Variants in SP100 observed in about 807,000 individuals in gnomAD.
SP100 encodes the protein nuclear autoantigen Sp-100.
Under a neutral mutation model 130.0 loss-of-function variants are expected in SP100, and 84 were observed. That is an observed-to-expected ratio of 0.65 (90% CI 0.54 to 0.77). The LOEUF is 0.77. Ranked by LOEUF, SP100 falls within the 30% of genes least tolerant of loss-of-function variation. The probability of loss-of-function intolerance (pLI) is 0.00; values close to 1 mark genes in which losing one functional copy is unlikely to be tolerated. For synonymous variants in SP100, 331 were observed against 351.7 expected (o/e 0.94, Z 0.66); for missense variants, 978 against 1,052.2 (o/e 0.93, Z 0.97).
chr2:230,511,296 A>C, intron 24 of SP100, 130 bp downstream of exon 24: 2 of 734,602 alleles, frequency 2.7e-6, no homozygotes, highest in Non-Finnish European at 4.9e-6. Context: ...TGATTAGAAG[A>C]TGCAAGCCAG....
chr2:230,428,908 T>C (rs908619182), intron 2 of SP100, among the ~76,000 whole-genome samples: 1 of 152,230 alleles, frequency 6.6e-6, no homozygotes, highest in Non-Finnish European at 1.5e-5. Context: ...GAGCCAACTA[T>C]ATTAATTGCT....
At chr2:230,452,334 C>G (rs1044031115) in intron 8 of SP100, among the ~76,000 whole-genome samples, 1 of 152,056 alleles carries the variant, frequency 6.6e-6, no homozygotes, top group Non-Finnish European at 1.5e-5. Flanking sequence ...TACTCCACCA[C>G]GCCCAGCTAA....
At chr2:230,523,766 A>T (rs7562968) in intron 24 of SP100, among the ~76,000 whole-genome samples, 44 of 151,960 alleles carry the variant, frequency 2.9e-4, no homozygotes, top group African/African-American at 9.7e-4. Context: ...AAAATTAGCT[A>T]GGCATGGTGG....
intron 9 of SP100, among the ~76,000 whole-genome samples, chr2:230,462,040 A>T (rs1053415000): frequency 3.3e-5 from 5 of 152,040 alleles, no homozygotes; most frequent in African/African-American, 1.2e-4. Flanking sequence ...GAGAGCCAAG[A>T]TATTCACAAG....
At chr2:230,491,447 A>T (rs13020940) in intron 17 of SP100, among the ~76,000 whole-genome samples, 11 of 152,084 alleles carry the variant, frequency 7.2e-5, no homozygotes, top group Admixed American at 2.0e-4. Context: ...CTCTGGCTGT[A>T]GTAGGCCACA....
chr2:230,463,602 T>A (rs1364384897), intron 10 of SP100: 1 of 152,948 alleles, frequency 6.5e-6, no homozygotes, highest in African/African-American at 2.4e-5. Context: ...AACTTTGAAC[T>A]TAGTGTAAGC....
chr2:230,499,668 A>G (rs912249109), intron 19 of SP100, among the ~76,000 whole-genome samples: 1 of 150,732 alleles, frequency 6.6e-6, no homozygotes, highest in Non-Finnish European at 1.5e-5. Context: ...CAAGGTCTGC[A>G]CCAGACCATG....
intron 17 of SP100, among the ~76,000 whole-genome samples, chr2:230,482,697 C>CAT (rs71052513): frequency 0.22 from 33,670 of 149,846 alleles, 3,763 homozygotes; most frequent in African/African-American, 0.26. Context: ...CTGCCATTTA[C>CAT]ATATATATAT....
intron 8 of SP100, among the ~76,000 whole-genome samples, chr2:230,459,694 C>T (rs1196333032): frequency 1.3e-5 from 2 of 152,212 alleles, no homozygotes; most frequent in African/African-American, 2.4e-5. Flanking sequence ...ATATCTCTAA[C>T]TTGTCCATTT....
At position 230,467,140 on chromosome 2, in the gene SP100, T is replaced by G; in HGVS notation, c.1216T>G (p.Phe406Val). 1.2e-6 allele frequency: 2 copies of G among 1,613,844 alleles called. No individual in the cohort carries two copies. The highest frequency in any genetic ancestry group is 8.5e-7 in the Non-Finnish European group (1 of 1,179,774). The change falls in exon 13 of 29, where the codon TTT (phenylalanine) becomes GTT (valine). Residue 406 changes from phenylalanine (F) to valine (V), a missense_variant. By Grantham distance (50) the Phe-to-Val change is conservative (BLOSUM62 -1). Transcript: ENST00000340126. ...TGCAGTGATAGGACAAGACCACGAC[T>G]TTTCAGAATCCAGTGAGGAGGAGGC... ...KKRVIGQDHD[F>V]SESSEEEAPA...
At chr2:230,453,702 G>A (rs1244382595) in intron 8 of SP100, among the ~76,000 whole-genome samples, 2 of 152,092 alleles carry the variant, frequency 1.3e-5, no homozygotes, top group East Asian at 3.8e-4. Context: ...GAATTTGATA[G>A]TATTTTATTG....
intron 2 of SP100, among the ~76,000 whole-genome samples, chr2:230,438,169 C>T (rs1040875251): frequency 3.9e-5 from 6 of 151,954 alleles, no homozygotes; most frequent in Non-Finnish European, 5.9e-5. Flanking sequence ...CAGTCAATAT[C>T]GATATCATCA....
chr2:230,505,988 G>A (rs1214556227), intron 21 of SP100, among the ~76,000 whole-genome samples: 1 of 152,158 alleles, frequency 6.6e-6, no homozygotes, highest in Non-Finnish European at 1.5e-5. Context: ...GAAGAATTCT[G>A]CTCATTCTTT....
At chr2:230,536,125 A>T (rs747654435) in intron 24 of SP100, among the ~76,000 whole-genome samples, 16 of 152,136 alleles carry the variant, frequency 1.1e-4, no homozygotes, top group Non-Finnish European at 1.9e-4. Flanking sequence ...TTTGGCAGGT[A>T]GGTTGGTCCT....
chr2:230,460,554 T>C (rs534950067), intron 8 of SP100, among the ~76,000 whole-genome samples: 12 of 151,482 alleles, frequency 7.9e-5, no homozygotes, highest in Admixed American at 4.0e-4. Context: ...TAATGGGAAG[T>C]GTCACCAGGA....
chr2:230,443,222 A>G lies in SP100; in HGVS notation c.270+123A>G, dbSNP rs548424039. 8.3e-5 allele frequency: 72 copies of G among 869,480 alleles called. 1 individual carries two copies. The South Asian group carries it at 1.2e-3, about 14-fold the overall frequency. 53.9% of individuals were successfully genotyped at this position (869,480 alleles called of 1,614,324 possible). On this transcript the variant is annotated intron_variant, in intron 3 of 28. Coordinates refer to ENST00000340126, the MANE Select transcript of SP100 (RefSeq NM_001080391.2). ...CTGACAGGTCTCCTATGAGTGGGGA[A>G]CTTTTTCAAGTGTTTCTGTAAGTGC...
At chr2:230,535,274 A>G (rs1343232671) in intron 24 of SP100, among the ~76,000 whole-genome samples, 1 of 152,184 alleles carries the variant, frequency 6.6e-6, no homozygotes, top group Non-Finnish European at 1.5e-5. Context: ...GGACTTTTGA[A>G]TGTAGGTTTC....
At chr2:230,425,935 T>C (rs888045425) in intron 2 of SP100, among the ~76,000 whole-genome samples, 1 of 152,164 alleles carries the variant, frequency 6.6e-6, no homozygotes, top group Non-Finnish European at 1.5e-5. Flanking sequence ...TTACTCATTA[T>C]TGGTCTGTTC....
chr2:230,497,512 G>A lies in SP100; in HGVS notation c.1646-949G>A, dbSNP rs1384056791. ...GGGAGGAGAGGAGAGGAGAGGAGAG[G>A]AGAGGAGAGGAGAGGAGAGGAGAGG... is the stretch of plus-strand genomic sequence containing the variant. On this transcript the variant is annotated intron_variant, in intron 18 of 28. Coordinates refer to ENST00000340126, the MANE Select transcript of SP100 (RefSeq NM_001080391.2). Among the ~76,000 whole-genome samples, 43 of 27,944 alleles carry A rather than the reference G, an allele frequency of 1.5e-3. 1 individual carries two copies. Among genetic ancestry groups the A allele is most frequent in the Admixed American group, 3.8e-3 (11 of 2,922 alleles). The allele number at this position is 27,944 out of a possible 152,430, so 18.3% of individuals were successfully genotyped here. A position where few individuals can be genotyped will look rare whatever the true frequency, so the allele number is the denominator to read the frequency against.
Sources: gnomAD v4.1 joint callset for allele counts (sites outside exome capture counted in the v4.1 genomes callset) on GRCh38, gnomAD v4.1.1 for gene constraint, MANE v1.5 for transcripts, NCBI Gene and HGNC (gene_info 2026-07-23, HGNC 2026-07-21) for gene names.